Variants in HECTD2 observed in about 807,000 individuals in gnomAD.
HECTD2 encodes probable E3 ubiquitin-protein ligase HECTD2.
A neutral mutation model predicts 103.2 loss-of-function variants in HECTD2; 35 were observed. The observed-to-expected ratio is 0.34, with a 90% CI of 0.26 to 0.45. HECTD2 has a LOEUF of 0.45. Among genes scored for constraint, HECTD2 ranks in the 20% least tolerant of loss-of-function variants. The pLI is 1.00. For missense variants in HECTD2, 596 were observed against 937.4 expected (o/e 0.64, Z 4.76); for synonymous variants, 281 against 329.9 (o/e 0.85, Z 1.61).
intron 20 of HECTD2, among the ~76,000 whole-genome samples, chr10:91,505,547 G>A (rs1161429716): frequency 6.6e-6 from 1 of 151,780 alleles, no homozygotes; most frequent in East Asian, 1.9e-4. Flanking sequence ...TAGTGGTAAA[G>A]GGATCAATTC....
intron 20 of HECTD2, among the ~76,000 whole-genome samples, chr10:91,506,558 C>T (rs1012869608): frequency 6.6e-6 from 1 of 152,100 alleles, no homozygotes; most frequent in Non-Finnish European, 1.5e-5. Context: ...CATACACTCT[C>T]CCAAGACTAA....
At chr10:91,435,196 C>T (rs1317244617) in intron 2 of HECTD2, among the ~76,000 whole-genome samples, 1 of 151,996 alleles carries the variant, frequency 6.6e-6, no homozygotes, top group East Asian at 1.9e-4. Flanking sequence ...TTGCCCTACC[C>T]TTCTGTCCAG....
Position 91,410,394 on chromosome 10 carries a change from C to G in HECTD2, c.-45C>G, listed in dbSNP as rs1454015872. 8 of 1,315,504 alleles carry G rather than the reference C, an allele frequency of 6.1e-6. No homozygotes were observed. In the Middle Eastern group the frequency reaches 1.1e-3, roughly 187 times the overall value. 81.5% of individuals were successfully genotyped at this position (1,315,504 alleles called of 1,614,324 possible). A position where few individuals can be genotyped will look rare whatever the true frequency, so the allele number is the denominator to read the frequency against. On this transcript the variant is annotated 5_prime_UTR_variant, in exon 1 of 21. Transcript: ENST00000298068. ...AGCAGCAGCGCCAGCCCCAGCAACA[C>G]TGAGGCCGCCGCCGCCGCCTGGCGC...
At chr10:91,436,849 A>G (rs1175678182) in intron 2 of HECTD2, among the ~76,000 whole-genome samples, 1 of 151,972 alleles carries the variant, frequency 6.6e-6, no homozygotes, top group Non-Finnish European at 1.5e-5. Flanking sequence ...TTTCACTGAC[A>G]TCTCTGCTTC....
At chr10:91,409,326 TA>T (rs1842824326), upstream of HECTD2, 1 of 152,034 alleles carries the variant, frequency 6.6e-6, no homozygotes, top group African/African-American at 2.4e-5. Context: ...AGGTGGGGGG[TA>T]TTTTAATTTC....
chr10:91,475,378 G>C (rs538809189), intron 5 of HECTD2, among the ~76,000 whole-genome samples: 20 of 152,334 alleles, frequency 1.3e-4, no homozygotes, highest in African/African-American at 4.6e-4. Context: ...GGATGCTGTT[G>C]CCATTTAATT....
intron 1 of HECTD2, among the ~76,000 whole-genome samples, chr10:91,424,886 A>C (rs965899581): frequency 6.6e-6 from 1 of 152,114 alleles, no homozygotes; most frequent in Non-Finnish European, 1.5e-5. Context: ...CATGCATCCT[A>C]TTTATTAAAA....
rs146778781 is a variant in HECTD2, at chr10:91,430,536, G to A, written c.268+5126G>A. 3.9e-4 allele frequency among the ~76,000 whole-genome samples: 59 copies of A among 152,218 alleles called. No individual in the cohort carries two copies. In the East Asian group the frequency reaches 0.01, roughly 27 times the overall value. On this transcript the variant is annotated intron_variant, in intron 2 of 20. Transcript: ENST00000298068. Reference sequence around the variant, plus strand: ...TCTAAGTCTCTTTGTAGGTCACTCAGGACTTGTTTTATGAATCTGGGTGCT... The same window carrying A: ...TCTAAGTCTCTTTGTAGGTCACTCAAGACTTGTTTTATGAATCTGGGTGCT...
chr10:91,460,099 G>A (rs377313181), intron 2 of HECTD2, among the ~76,000 whole-genome samples: 61 of 152,076 alleles, frequency 4.0e-4, no homozygotes, highest in African/African-American at 1.3e-3. Flanking sequence ...AAATACCCCC[G>A]GAAAGATGAC....
chr10:91,439,454 G>C (rs935795662), intron 2 of HECTD2, among the ~76,000 whole-genome samples: 2 of 151,946 alleles, frequency 1.3e-5, no homozygotes, highest in South Asian at 2.1e-4. Context: ...ATCTGTTTTG[G>C]TACCAGTATC....
At position 91,487,199 on chromosome 10, in the gene HECTD2, G is replaced by T. The variant is rs185328664; in HGVS notation, c.1095-483G>T. On this transcript the variant is annotated intron_variant, in intron 10 of 20. Transcript: ENST00000298068. The surrounding 1 kb of genome is among the most constrained non-coding windows in gnomAD (Gnocchi z 4.1). ...ATACATTTCTGATTTATTTTTATTG[G>T]TCTTAAATATATTACTTTACTTTTT... is the stretch of plus-strand genomic sequence containing the variant. 6.0e-4 allele frequency: 101 copies of T among 167,884 alleles called. 1 individual carries two copies. The highest frequency in any genetic ancestry group is 4.1e-4 in the Non-Finnish European group (31 of 76,484). The allele number at this position is 167,884 out of a possible 1,614,324, so 10.4% of individuals were successfully genotyped here. A position where few individuals can be genotyped will look rare whatever the true frequency, so the allele number is the denominator to read the frequency against.
chr10:91,440,534 TTTTC>T (rs1237667977), intron 2 of HECTD2, among the ~76,000 whole-genome samples: 1 of 150,348 alleles, frequency 6.7e-6, no homozygotes, highest in African/African-American at 2.5e-5. Context: ...TGGCCTGAAA[TTTTC>T]TTTTTTTGTT....
At chr10:91,442,011 C>A (rs1219570021) in intron 2 of HECTD2, among the ~76,000 whole-genome samples, 12 of 77,834 alleles carry the variant, frequency 1.5e-4, no homozygotes, top group Non-Finnish European at 2.7e-4. Flanking sequence ...ATACAGCACA[C>A]CAATGGGTCT....
chr10:91,488,801 T>G (rs1476891336), intron 11 of HECTD2: 1 of 152,090 alleles, frequency 6.6e-6, no homozygotes, highest in Non-Finnish European at 1.5e-5. Flanking sequence ...TATGGGAATA[T>G]TAGAAGAAAT....
chr10:91,427,501 C>G (rs1843619638), intron 2 of HECTD2, among the ~76,000 whole-genome samples: 1 of 152,204 alleles, frequency 6.6e-6, no homozygotes. Flanking sequence ...ACCACATCCT[C>G]TCCAGCACCT....
chr10:91,439,907 G>A (rs532347428), intron 2 of HECTD2, among the ~76,000 whole-genome samples: 27 of 152,238 alleles, frequency 1.8e-4, no homozygotes, highest in Admixed American at 1.8e-3. Flanking sequence ...GTATAGGAAT[G>A]CTTGTGATTT....
chr10:91,433,612 T>G (rs1843990725), intron 2 of HECTD2, among the ~76,000 whole-genome samples: 1 of 152,046 alleles, frequency 6.6e-6, no homozygotes, highest in Non-Finnish European at 1.5e-5. Context: ...TGATTTGTGT[T>G]CATTATTTTG....
At chr10:91,473,385 CTTAAAGATAT>C (rs1174886503) in intron 5 of HECTD2, among the ~76,000 whole-genome samples, 1 of 152,002 alleles carries the variant, frequency 6.6e-6, no homozygotes, top group Middle Eastern at 3.2e-3. Context: ...ATGAGGGTGA[CTTAAAGATAT>C]TTAAAATAAA....
intron 15 of HECTD2, among the ~76,000 whole-genome samples, chr10:91,497,903 G>T (rs1846747700): frequency 6.6e-6 from 1 of 152,118 alleles, no homozygotes; most frequent in Non-Finnish European, 1.5e-5. Flanking sequence ...CCTGTAGTTT[G>T]AACTGGATAG....
Sources: gnomAD v4.1 joint callset for allele counts (sites outside exome capture counted in the v4.1 genomes callset) on GRCh38, gnomAD v4.1.1 for gene constraint, Gnocchi (gnomAD v3.1) non-coding constraint, MANE v1.5 for transcripts, NCBI Gene and HGNC (gene_info 2026-07-23, HGNC 2026-07-21) for gene names.